Variants in TSHZ2 observed in about 807,000 individuals in gnomAD.
TSHZ2 encodes teashirt homolog 2.
A neutral mutation model predicts 74.4 loss-of-function variants in TSHZ2; 21 were observed. The ratio of observed to expected loss-of-function variants is 0.28; its 90% confidence interval spans 0.20 to 0.41. TSHZ2 has a LOEUF of 0.41. Ranked by LOEUF, TSHZ2 falls within the 10% of genes least tolerant of loss-of-function variation. The pLI is 1.00. For missense variants in TSHZ2, 1,244 were observed against 1,293.5 expected (o/e 0.96, Z 0.59); for synonymous variants, 540 against 515.3 (o/e 1.05, Z -0.65).
At chr20:53,001,230 G>GTGTGTGTATGTGTGTGTGTGTGTGTA (rs1555813626) in intron 1 of TSHZ2, among the ~76,000 whole-genome samples, 1 of 126,114 alleles carries the variant, frequency 7.9e-6, no homozygotes, top group Admixed American at 8.0e-5. Flanking sequence ...GTGTGTGTGT[G>GTGTGTGTATGTGTGTGTGTGTGTGTA]TGTGTGTGTG....
chr20:53,363,202 G>A (rs981148766), intron 2 of TSHZ2, among the ~76,000 whole-genome samples: 15 of 152,218 alleles, frequency 9.9e-5, no homozygotes, highest in African/African-American at 3.6e-4. Flanking sequence ...ATCCTGGATT[G>A]GCTTCTGGCC....
At chr20:53,400,477 T>C (rs749264442) in intron 2 of TSHZ2, 3 of 152,260 alleles carry the variant, frequency 2.0e-5, no homozygotes, top group Admixed American at 6.5e-5. Flanking sequence ...CCTTTAGTCC[T>C]CACCACTGCC....
At chr20:53,225,327 A>G (rs898903411) in intron 1 of TSHZ2, among the ~76,000 whole-genome samples, 3 of 152,208 alleles carry the variant, frequency 2.0e-5, no homozygotes, top group African/African-American at 4.8e-5. Context: ...TATGCCTGCT[A>G]ATTGTGTACT....
At chr20:53,320,663 G>A (rs192797047) in intron 2 of TSHZ2, among the ~76,000 whole-genome samples, 39 of 152,320 alleles carry the variant, frequency 2.6e-4, no homozygotes, top group Admixed American at 1.8e-3. Context: ...GTTAGGGGGT[G>A]TTAAAAACAC....
rs144775593 is a variant in TSHZ2, at chr20:53,429,033, C to T, written c.*9-58111C>T. On this transcript the variant is annotated intron_variant, in intron 2 of 2. Transcript: ENST00000371497. ...CAGGTAAACACAGCTATAGTTACTG[C>T]TATTCAGAAATGAGTATTGTTTCCT... is the stretch of plus-strand genomic sequence containing the variant. Among the ~76,000 whole-genome samples, 529 of 152,272 alleles carry T rather than the reference C, an allele frequency of 3.5e-3. 1 individual carries two copies. Among genetic ancestry groups the T allele is most frequent in the African/African-American group, 0.012 (495 of 41,550 alleles).
At chr20:53,100,184 G>C (rs1351976334) in intron 1 of TSHZ2, among the ~76,000 whole-genome samples, 1 of 152,108 alleles carries the variant, frequency 6.6e-6, no homozygotes, top group Non-Finnish European at 1.5e-5. Flanking sequence ...GTAAAAGATG[G>C]AGCCTTGATT....
At chr20:53,330,331 A>G (rs1292598951) in intron 2 of TSHZ2, among the ~76,000 whole-genome samples, 2 of 152,212 alleles carry the variant, frequency 1.3e-5, no homozygotes, top group Non-Finnish European at 2.9e-5. Context: ...GCTAGTTCAG[A>G]TTTCACCAGT....
At chr20:53,179,718 T>C (rs1274086931) in intron 1 of TSHZ2, among the ~76,000 whole-genome samples, 2 of 152,226 alleles carry the variant, frequency 1.3e-5, no homozygotes, top group African/African-American at 4.8e-5. Flanking sequence ...TGACCAGCAC[T>C]GCTTCCTGGA....
intron 1 of TSHZ2, among the ~76,000 whole-genome samples, chr20:53,204,780 T>C (rs1034080788): frequency 6.6e-6 from 1 of 152,078 alleles, no homozygotes; most frequent in South Asian, 2.1e-4. Context: ...CATTGAGTAT[T>C]AGAAAGCTAA....
chr20:53,411,175 G>A (rs1371020903), intron 2 of TSHZ2, among the ~76,000 whole-genome samples: 4 of 151,996 alleles, frequency 2.6e-5, no homozygotes, highest in African/African-American at 7.2e-5. Context: ...AGAGTGAGTG[G>A]AGGCTACGTT....
chr20:53,208,009 TCTA>T lies in TSHZ2; in HGVS notation c.41-45486_41-45484del, dbSNP rs545853887. Among the ~76,000 whole-genome samples the T allele has an allele frequency of 1.4e-4, 22 of 152,020 alleles. No homozygotes were observed. The South Asian group carries it at 4.6e-3, about 32-fold the overall frequency. On this transcript the variant is annotated intron_variant, in intron 1 of 2. Coordinates refer to ENST00000371497, the MANE Select transcript of TSHZ2 (RefSeq NM_173485.6). ...GCCACCATGTCCAGCCTCCTGTAGT[TCTA>T]CTAATTGCTATTATTACTCTTCACT...
intron 1 of TSHZ2, among the ~76,000 whole-genome samples, chr20:53,176,643 T>C (rs1988345716): frequency 6.6e-6 from 1 of 152,102 alleles, no homozygotes; most frequent in East Asian, 1.9e-4. Context: ...AACATTGTTA[T>C]CTCTAAATTA....
chr20:53,015,658 A>G (rs1360887234), intron 1 of TSHZ2, among the ~76,000 whole-genome samples: 1 of 152,166 alleles, frequency 6.6e-6, no homozygotes, highest in Non-Finnish European at 1.5e-5. Flanking sequence ...GTTAAAATAT[A>G]GGAGGGTAAT....
intron 1 of TSHZ2, among the ~76,000 whole-genome samples, chr20:53,177,688 T>G (rs1199447738): frequency 6.6e-6 from 1 of 152,192 alleles, no homozygotes; most frequent in Non-Finnish European, 1.5e-5. Flanking sequence ...ATTTAAGCAG[T>G]TTCTTCTATC....
intron 1 of TSHZ2, among the ~76,000 whole-genome samples, chr20:53,026,249 G>T (rs1043130914): frequency 6.6e-6 from 1 of 152,122 alleles, no homozygotes; most frequent in Middle Eastern, 3.4e-3. Context: ...CTGCCCTCCT[G>T]TGACCTGTCT....
chr20:53,001,363 T>C (rs1445738108), intron 1 of TSHZ2, among the ~76,000 whole-genome samples: 1 of 152,074 alleles, frequency 6.6e-6, no homozygotes, highest in Non-Finnish European at 1.5e-5. Context: ...TGTTATTCTC[T>C]ACAGGAACAC....
chr20:53,048,389 TG>T (rs1020261735), intron 1 of TSHZ2, among the ~76,000 whole-genome samples: 3 of 152,218 alleles, frequency 2.0e-5, no homozygotes, highest in African/African-American at 4.8e-5. Context: ...ATTGTTTTCC[TG>T]CTCTGTCTGG....
At chr20:53,120,790 T>C (rs1986787088) in intron 1 of TSHZ2, among the ~76,000 whole-genome samples, 1 of 152,234 alleles carries the variant, frequency 6.6e-6, no homozygotes, top group Admixed American at 6.5e-5. Context: ...CAAACACATT[T>C]GTATTTTGCC....
intron 1 of TSHZ2, among the ~76,000 whole-genome samples, chr20:53,252,420 C>T (rs116189313): frequency 0.018 from 2,754 of 152,276 alleles, 88 homozygotes; most frequent in African/African-American, 0.063. Context: ...ACTGGATCTC[C>T]TTTTCTTTGG....
Sources: gnomAD v4.1 joint callset for allele counts (sites outside exome capture counted in the v4.1 genomes callset) on GRCh38, gnomAD v4.1.1 for gene constraint, MANE v1.5 for transcripts, NCBI Gene and HGNC (gene_info 2026-07-23, HGNC 2026-07-21) for gene names.